Variants in PPP1R14D observed in about 807,000 individuals in gnomAD.
PPP1R14D encodes the protein protein phosphatase 1 regulatory subunit 14D.
Under a neutral mutation model 17.1 loss-of-function variants are expected in PPP1R14D, and 14 were observed. That is an observed-to-expected ratio of 0.82 (90% confidence interval 0.54 to 1.28). PPP1R14D has a LOEUF of 1.28. Among genes scored for constraint, PPP1R14D ranks in the 50% most tolerant of loss-of-function variants. The probability of loss-of-function intolerance (pLI) is 0.00; values close to 1 mark genes in which losing one functional copy is unlikely to be tolerated. For synonymous variants in PPP1R14D, 67 were observed against 66.1 expected, an observed-to-expected ratio of 1.01 and a Z score of -0.06; for missense variants, 173 against 179.2, an observed-to-expected ratio of 0.97 and a Z score of 0.20.
In PPP1R14D at chr15:40,815,653, C is replaced by A; in HGVS notation, c.*43G>T. The A allele has an allele frequency of 6.2e-7, 1 of 1,602,966 alleles. No homozygotes were observed. Among genetic ancestry groups the A allele is most frequent in the African/African-American group, 1.3e-5 (1 of 74,504 alleles). ...TTAGCCAGGATCTGGAGTTTCAGGGCAGGCCTGGCAGTGCTGAGGCTGCTA... is the reference window on the plus strand; with the variant it reads ...TTAGCCAGGATCTGGAGTTTCAGGGAAGGCCTGGCAGTGCTGAGGCTGCTA... On this transcript the variant is annotated 3_prime_UTR_variant, in exon 4 of 4. Transcript: ENST00000299174.
intron 1 of PPP1R14D, among the ~76,000 whole-genome samples, chr15:40,828,006 G>A (rs1890899491): frequency 6.6e-6 from 1 of 152,106 alleles, no homozygotes; most frequent in South Asian, 2.1e-4. Flanking sequence ...TGTAGCTCCG[G>A]ACATGTATGT....
At chr15:40,817,915 AAC>A (rs1890701068) in intron 1 of PPP1R14D, among the ~76,000 whole-genome samples, 1 of 151,964 alleles carries the variant, frequency 6.6e-6, no homozygotes, top group South Asian at 2.1e-4. Flanking sequence ...CCCAGCCCTA[AAC>A]ACACTCTTAC....
rs780930982 is a variant in PPP1R14D, at chr15:40,816,155, T to C, written c.339+15A>G. Reference sequence around the variant, plus strand: ...TTCCCACTGACCCAAGGCCAGCTTCTAGCCCCCATCCTACCTCCAGCTGAG... The same window carrying C: ...TTCCCACTGACCCAAGGCCAGCTTCCAGCCCCCATCCTACCTCCAGCTGAG... On this transcript the variant is annotated intron_variant, in intron 2 of 3. Coordinates refer to ENST00000299174, the MANE Select transcript of PPP1R14D (RefSeq NM_017726.8). The C allele has an allele frequency of 7.7e-5, 124 of 1,613,370 alleles. 2 individuals are homozygous for C. The Admixed American group carries it at 2.1e-3, about 27-fold the overall frequency.
intron 1 of PPP1R14D, among the ~76,000 whole-genome samples, chr15:40,821,296 T>G (rs1596126987): frequency 6.6e-6 from 1 of 151,664 alleles, no homozygotes; most frequent in Non-Finnish European, 1.5e-5. Context: ...ATCATACCAT[T>G]TGCACTCCTG....
At chr15:40,818,667 C>T (rs1399840078) in intron 1 of PPP1R14D, among the ~76,000 whole-genome samples, 1 of 151,960 alleles carries the variant, frequency 6.6e-6, no homozygotes, top group Non-Finnish European at 1.5e-5. Flanking sequence ...AAAAGTATGG[C>T]GATAGTAAAA....
intron 1 of PPP1R14D, among the ~76,000 whole-genome samples, chr15:40,819,651 A>G (rs1214093578): frequency 1.3e-5 from 2 of 152,060 alleles, no homozygotes; most frequent in East Asian, 3.8e-4. Context: ...ACTAGACCAC[A>G]CTTCAAGAAC....
chr15:40,821,013 T>A (rs1890766686), intron 1 of PPP1R14D, among the ~76,000 whole-genome samples: 3 of 144,486 alleles, frequency 2.1e-5, no homozygotes, highest in Non-Finnish European at 4.5e-5. Context: ...TAGCAAGAAC[T>A]CTTCTCCATT....
chr15:40,816,338 T>C (rs1389417826), intron 1 of PPP1R14D, 85 bp from the exon 2 acceptor site: 6 of 1,083,216 alleles, frequency 5.5e-6, no homozygotes, highest in African/African-American at 1.5e-5. Context: ...AACCCACCTC[T>C]CTCCAATTTC....
chr15:40,825,934 C>G (rs988692366), intron 1 of PPP1R14D, among the ~76,000 whole-genome samples: 11 of 152,212 alleles, frequency 7.2e-5, no homozygotes, highest in Admixed American at 6.5e-5. Context: ...CCACTTTCAT[C>G]TTGCAAAACA....
Position 40,815,551 on chromosome 15 carries a change from C to G in PPP1R14D, c.*145G>C. 1 of 1,041,284 alleles carries G rather than the reference C, an allele frequency of 9.6e-7. No homozygotes were observed. The highest frequency in any genetic ancestry group is 1.4e-6 in the Non-Finnish European group (1 of 729,552). 64.5% of individuals were successfully genotyped at this position (1,041,284 alleles called of 1,614,324 possible). ...CCAGCTGACAGAAACTAGCTGTGACCACACAGACAGTAGGAGTATGCAAAT... is the reference window on the plus strand; with the variant it reads ...CCAGCTGACAGAAACTAGCTGTGACGACACAGACAGTAGGAGTATGCAAAT... On this transcript the variant is annotated 3_prime_UTR_variant, in exon 4 of 4. Coordinates refer to ENST00000299174, the MANE Select transcript of PPP1R14D (RefSeq NM_017726.8).
Position 40,828,385 on chromosome 15 carries a change from A to G in PPP1R14D, c.255+2T>C, listed in dbSNP as rs771898830. On this transcript the variant is annotated splice_donor_variant, in intron 1 of 3. Transcript: ENST00000299174. LOFTEE classifies it high-confidence loss of function. ...CCTCCCACTATCCGCTGTGCTACCTACCTGGAAGAGCTCCTGAACTTGAGC... is the reference window on the plus strand; with the variant it reads ...CCTCCCACTATCCGCTGTGCTACCTGCCTGGAAGAGCTCCTGAACTTGAGC... The G allele has an allele frequency of 7.5e-6, 12 of 1,590,474 alleles. No individual in the cohort carries two copies. Among genetic ancestry groups the G allele is most frequent in the Non-Finnish European group, 1.0e-5 (12 of 1,168,548 alleles).
rs183005723 is a variant in PPP1R14D, at chr15:40,820,410, C to T, written c.256-4157G>A. Among the ~76,000 whole-genome samples the T allele has an allele frequency of 4.0e-3, 615 of 152,052 alleles. 22 individuals carry two copies. The highest frequency in any genetic ancestry group is 0.035 in the Admixed American group (540 of 15,258). The stretch of plus-strand genomic sequence containing the variant: ...CTGACCTCAGGTGATCCACCCACCT[C>T]AGCCTCCCAAAGTGTTGGGATTACA... On this transcript the variant is annotated intron_variant, in intron 1 of 3. Coordinates refer to ENST00000299174, the MANE Select transcript of PPP1R14D (RefSeq NM_017726.8).
rs372838130 is a variant in PPP1R14D, at chr15:40,828,560, C to A, written c.82G>T (p.Gly28Trp). The change falls in exon 1 of 4, where the codon GGG becomes TGG. Residue 28 changes from glycine (G) to tryptophan (W), a missense_variant. Physicochemically the swap from Gly to Trp is radical, Grantham distance 184. Transcript: ENST00000299174. ...NPCKKVHWAS[G>W]RRRTSSTDSE... Reference sequence around the variant, plus strand: ...TCTGTGGATGATGTCCTTCTCCTCCCAGAAGCCCAGTGGACCTTCTTACAT... The same window carrying A: ...TCTGTGGATGATGTCCTTCTCCTCCAAGAAGCCCAGTGGACCTTCTTACAT... 14 of 1,614,214 alleles carry A rather than the reference C, an allele frequency of 8.7e-6. No homozygotes were observed. Among genetic ancestry groups the A allele is most frequent in the Non-Finnish European group, 1.2e-5 (14 of 1,180,028 alleles).
intron 1 of PPP1R14D, among the ~76,000 whole-genome samples, chr15:40,820,753 C>T (rs781277617): frequency 7.3e-5 from 11 of 151,410 alleles, no homozygotes; most frequent in Non-Finnish European, 1.0e-4. Flanking sequence ...CCCAGTTACT[C>T]GGGAGGCTGA....
rs2141991068 is a variant in PPP1R14D, at chr15:40,828,281, C to T, written c.255+106G>A. On this transcript the variant is annotated intron_variant, in intron 1 of 3. Transcript: ENST00000299174. ...CTTTCATCAGTTACAAAAGCTTTCTCTTCACGGAAGCACCTCACATCAGCC... is the reference window on the plus strand; with the variant it reads ...CTTTCATCAGTTACAAAAGCTTTCTTTTCACGGAAGCACCTCACATCAGCC... 6 of 1,417,558 alleles carry T rather than the reference C, an allele frequency of 4.2e-6. No homozygotes were observed. In the South Asian group the frequency reaches 8.7e-5, roughly 20 times the overall value. 87.8% of individuals were successfully genotyped at this position (1,417,558 alleles called of 1,614,324 possible). A position where few individuals can be genotyped will look rare whatever the true frequency, so the allele number is the denominator to read the frequency against.
intron 2 of PPP1R14D, 64 bp from the exon 3 acceptor site, chr15:40,816,058 T>C: frequency 6.2e-7 from 1 of 1,604,990 alleles, no homozygotes; most frequent in Non-Finnish European, 8.5e-7. Context: ...TCCCCACCAA[T>C]CTCCCAAGAA....
At chr15:40,821,545 A>G (rs1163475539) in intron 1 of PPP1R14D, among the ~76,000 whole-genome samples, 1 of 152,192 alleles carries the variant, frequency 6.6e-6, no homozygotes, top group East Asian at 1.9e-4. Flanking sequence ...GGAGGACAGA[A>G]TAGAAAAGAA....
chr15:40,819,572 A>G (rs1323766910), intron 1 of PPP1R14D, among the ~76,000 whole-genome samples: 1 of 152,088 alleles, frequency 6.6e-6, no homozygotes, highest in Non-Finnish European at 1.5e-5. Context: ...TTATTATGAA[A>G]ATAATCACAG....
chr15:40,821,418 T>C (rs1566842860), intron 1 of PPP1R14D, among the ~76,000 whole-genome samples: 1 of 151,046 alleles, frequency 6.6e-6, no homozygotes, highest in Non-Finnish European at 1.5e-5. Flanking sequence ...CTAGATAGAA[T>C]TAACAGCATG....
Sources: allele counts gnomAD v4.1 joint callset (sites outside exome capture counted in the v4.1 genomes callset), GRCh38; gene constraint gnomAD v4.1.1; transcripts MANE v1.5; gene names NCBI Gene and HGNC (gene_info 2026-07-23, HGNC 2026-07-21).